Variants in VKORC1L1 observed in about 807,000 individuals in gnomAD.
The protein encoded by VKORC1L1 is vitamin K epoxide reductase complex subunit 1-like protein 1.
VKORC1L1 carries 2 observed loss-of-function variants against 18.9 expected under a neutral mutation model. That is an observed-to-expected ratio of 0.11 (90% confidence interval 0.04 to 0.33). VKORC1L1 has a LOEUF of 0.33. Among genes scored for constraint, VKORC1L1 ranks in the 10% least tolerant of loss-of-function variants. The pLI, the probability that VKORC1L1 is intolerant of heterozygous loss-of-function variation, is 1.00. For synonymous variants in VKORC1L1, 96 were observed against 100.0 expected (o/e 0.96, Z 0.24); for missense variants, 123 against 224.1 (o/e 0.55, Z 2.88).
In VKORC1L1 at chr7:65,954,058, GTCTCT is replaced by G. The variant is rs1790253322; in HGVS notation, c.305-9_305-5del. The G allele has an allele frequency of 3.2e-6, 5 of 1,580,300 alleles. No individual in the cohort carries two copies. Among genetic ancestry groups the G allele is most frequent in the South Asian group, 1.1e-5 (1 of 87,476 alleles). ...AGCACCAAGGCCTGACTGAGCCTGC[GTCTCT>G]TCTCTTACAGGCATGACAGCAAGCG... On this transcript the variant is annotated splice_polypyrimidine_tract_variant and intron_variant, in intron 2 of 2. Coordinates refer to ENST00000360768, the MANE Select transcript of VKORC1L1 (RefSeq NM_173517.6).
chr7:65,921,519 G>T (rs1246927983), intron 1 of VKORC1L1, among the ~76,000 whole-genome samples: 1 of 151,964 alleles, frequency 6.6e-6, no homozygotes, highest in Non-Finnish European at 1.5e-5. Context: ...TCAAGTAGTT[G>T]AGATTACAGG....
At chr7:65,925,017 C>T (rs761711018) in intron 1 of VKORC1L1, among the ~76,000 whole-genome samples, 6 of 152,100 alleles carry the variant, frequency 3.9e-5, no homozygotes, top group South Asian at 2.1e-4. Flanking sequence ...GTACTCCATC[C>T]GTAATCTTCC....
chr7:65,876,733 T>G (rs1418958154), intron 1 of VKORC1L1, among the ~76,000 whole-genome samples: 1 of 152,146 alleles, frequency 6.6e-6, no homozygotes, highest in African/African-American at 2.4e-5. Context: ...CAGTTTCTTA[T>G]GTTAAATAGG....
At chr7:65,905,409 C>T (rs2116403401) in intron 1 of VKORC1L1, among the ~76,000 whole-genome samples, 1 of 152,140 alleles carries the variant, frequency 6.6e-6, no homozygotes, top group East Asian at 1.9e-4. Context: ...CTTCTGGGTT[C>T]ATGCCATTTC....
At chr7:65,867,073 G>A in the VKORC1L1 span, among the ~76,000 whole-genome samples, 1 of 152,148 alleles carries the variant, frequency 6.6e-6, no homozygotes, top group South Asian at 2.1e-4. Flanking sequence ...TGTAGTCCCA[G>A]CTACTCAGGA....
chr7:65,915,283 G>A (rs1172801610), intron 1 of VKORC1L1, among the ~76,000 whole-genome samples: 1 of 151,194 alleles, frequency 6.6e-6, no homozygotes, highest in Non-Finnish European at 1.5e-5. Flanking sequence ...AGTAGAGACG[G>A]GGTTTCACCG....
chr7:65,878,318 G>T (rs761592795), intron 1 of VKORC1L1, among the ~76,000 whole-genome samples: 1 of 151,958 alleles, frequency 6.6e-6, no homozygotes, highest in African/African-American at 2.4e-5. Flanking sequence ...ATGGTGGTGG[G>T]CACCTGTAAT....
At chr7:65,872,907 C>T (rs1014114395), upstream of VKORC1L1, among the ~76,000 whole-genome samples, 1 of 152,008 alleles carries the variant, frequency 6.6e-6, no homozygotes. Context: ...GCTAGTTAGA[C>T]CGCTCCTTTA....
At chr7:65,952,917 C>G (rs1179945713) in intron 2 of VKORC1L1, among the ~76,000 whole-genome samples, 1 of 150,780 alleles carries the variant, frequency 6.6e-6, no homozygotes, top group African/African-American at 2.4e-5. Context: ...TCCCTTGTAG[C>G]TGGGGTTGCA....
the VKORC1L1 span, among the ~76,000 whole-genome samples, chr7:65,867,461 T>G: frequency 1.3e-5 from 2 of 152,154 alleles, no homozygotes; most frequent in East Asian, 1.9e-4. Flanking sequence ...TCATCTTTTT[T>G]TTTTCATGGT....
At chr7:65,907,833 G>T (rs944079397) in intron 1 of VKORC1L1, among the ~76,000 whole-genome samples, 6 of 151,840 alleles carry the variant, frequency 4.0e-5, no homozygotes, top group African/African-American at 1.2e-4. Flanking sequence ...GTTTTACTCA[G>T]CTGGTTAACC....
At chr7:65,886,839 G>GTTTTTTTT (rs56234924) in intron 1 of VKORC1L1, among the ~76,000 whole-genome samples, 1 of 58,604 alleles carries the variant, frequency 1.7e-5, no homozygotes, top group Non-Finnish European at 3.3e-5. Context: ...GCCTGTCCGA[G>GTTTTTTTT]TTTTTTTTTT....
chr7:65,876,115 T>C lies in VKORC1L1; in HGVS notation c.194+2550T>C, dbSNP rs533322144. On this transcript the variant is annotated intron_variant, in intron 1 of 2. Coordinates refer to ENST00000360768, the MANE Select transcript of VKORC1L1 (RefSeq NM_173517.6). ...TTTCACCGAAATTAGTAGGCTACAA[T>C]AGAAATGCTGATTTTTCAATTCTAC... Among the ~76,000 whole-genome samples, 3 of 152,244 alleles carry C rather than the reference T, an allele frequency of 2.0e-5. No individual in the cohort carries two copies. The East Asian group carries it at 5.8e-4, about 29-fold the overall frequency.
intron 1 of VKORC1L1, among the ~76,000 whole-genome samples, chr7:65,882,476 G>T (rs1788945091): frequency 6.6e-6 from 1 of 150,434 alleles, no homozygotes; most frequent in Non-Finnish European, 1.5e-5. Flanking sequence ...GGAAGAAAAT[G>T]TAAATTATCT....
chr7:65,872,897 G>A (rs891618682), upstream of VKORC1L1, among the ~76,000 whole-genome samples: 15 of 152,002 alleles, frequency 9.9e-5, no homozygotes, highest in African/African-American at 3.6e-4. Flanking sequence ...CTTGCAATGT[G>A]CTAGTTAGAC....
intron 1 of VKORC1L1, among the ~76,000 whole-genome samples, chr7:65,912,358 A>G (rs919410069): frequency 1.3e-5 from 2 of 152,190 alleles, no homozygotes; most frequent in African/African-American, 4.8e-5. Flanking sequence ...CAGGAACCAT[A>G]TATTGTGTGC....
intron 2 of VKORC1L1, 99 bp from the exon 3 acceptor site, chr7:65,953,975 T>C: frequency 9.3e-7 from 1 of 1,079,806 alleles, no homozygotes; most frequent in Non-Finnish European, 1.3e-6. Flanking sequence ...AGATCAGTAT[T>C]CAAACACTGC....
Position 65,897,693 on chromosome 7 carries a change from ATCTT to A in VKORC1L1, c.194+24130_194+24133del, listed in dbSNP as rs762799675. On this transcript the variant is annotated intron_variant, in intron 1 of 2. Coordinates refer to ENST00000360768, the MANE Select transcript of VKORC1L1 (RefSeq NM_173517.6). ...CATGAGGGGATTTTGGAGGCTTATA[ATCTT>A]TTTTTTTTTTTTTTAATCTCTGTGT... 2.4e-3 allele frequency among the ~76,000 whole-genome samples: 351 copies of A among 148,962 alleles called. 1 individual carries two copies. The highest frequency in any genetic ancestry group is 4.4e-3 in the Non-Finnish European group (295 of 67,338).
chr7:65,901,815 G>A (rs1485225055), intron 1 of VKORC1L1, among the ~76,000 whole-genome samples: 1 of 152,098 alleles, frequency 6.6e-6, no homozygotes, highest in African/African-American at 2.4e-5. Context: ...GAACACCTGA[G>A]GCCAGAGAAA....
Sources: gnomAD v4.1 joint callset for allele counts (sites outside exome capture counted in the v4.1 genomes callset) on GRCh38, gnomAD v4.1.1 for gene constraint, MANE v1.5 for transcripts, NCBI Gene and HGNC (gene_info 2026-07-23, HGNC 2026-07-21) for gene names.